The following IPO11 variants were observed in gnomAD, a reference collection of about 807,000 sequenced individuals.
The protein encoded by IPO11 is importin-11.
In IPO11, 66 loss-of-function variants were observed where a neutral mutation model predicts 143.2. The observed-to-expected ratio is 0.46, with a 90% CI of 0.38 to 0.57. The LOEUF is 0.57. Among genes scored for constraint, IPO11 ranks in the 20% least tolerant of loss-of-function variants. The pLI is 0.00. For missense variants in IPO11, 1,026 were observed against 1,141.0 expected (o/e 0.90, Z 1.45); for synonymous variants, 385 against 377.8 (o/e 1.02, Z -0.22).
At chr5:62,460,325 C>G (rs1745310421) in intron 5 of IPO11, among the ~76,000 whole-genome samples, 1 of 152,002 alleles carries the variant, frequency 6.6e-6, no homozygotes, top group African/African-American at 2.4e-5. Context: ...CTTAAAAATG[C>G]CATTGACTTG....
chr5:62,494,179 A>G lies in IPO11; in HGVS notation c.1590+55A>G, dbSNP rs1741046662. On this transcript the variant is annotated intron_variant, in intron 16 of 29. Coordinates refer to ENST00000325324, the MANE Select transcript of IPO11 (RefSeq NM_016338.5). ...AGTTTTTAAAGTTTCATCTGTGCAA[A>G]TCATCAAGTTCACAACAGTTTATGT... 3.3e-6 allele frequency: 5 copies of G among 1,500,428 alleles called. No individual in the cohort carries two copies. In the East Asian group the frequency reaches 1.2e-4, roughly 35 times the overall value. The allele number at this position is 1,500,428 out of a possible 1,614,324, so 92.9% of individuals were successfully genotyped here.
At chr5:62,606,507 G>C (rs1481101393) in intron 29 of IPO11, among the ~76,000 whole-genome samples, 1 of 70,842 alleles carries the variant, frequency 1.4e-5, no homozygotes, top group Non-Finnish European at 2.7e-5. Context: ...AAAAAAAAAA[G>C]GAGAACCCTT....
intron 24 of IPO11, among the ~76,000 whole-genome samples, chr5:62,541,770 G>A (rs1033968539): frequency 2.0e-5 from 3 of 151,172 alleles, no homozygotes; most frequent in African/African-American, 4.9e-5. Flanking sequence ...TTTTATTATT[G>A]AAAATTCCAA....
chr5:62,601,643 A>G (rs1745510908), intron 28 of IPO11, 121 bp from the exon 29 acceptor site: 1 of 455,324 alleles, frequency 2.2e-6, no homozygotes, highest in Non-Finnish European at 3.8e-6. Flanking sequence ...TTTTTCTCAC[A>G]TTTTGGTGTG....
chr5:62,537,345 A>G, intron 24 of IPO11, 56 bp downstream of exon 24: 1 of 1,139,346 alleles, frequency 8.8e-7, no homozygotes, highest in Admixed American at 1.8e-5. Flanking sequence ...ATATTTTATG[A>G]AATTGGACTT....
In IPO11 at chr5:62,627,277, G is replaced by A; in HGVS notation, c.2887G>A (p.Glu963Lys). The A allele has an allele frequency of 1.2e-6, 2 of 1,614,060 alleles. No homozygotes were observed. The highest frequency in any genetic ancestry group is 1.7e-6 in the Non-Finnish European group (2 of 1,179,964). ...GTCCCTCATGGAAACAGTGGATACG[G>A]AGATTGTCACCCAGCTACAGGAGTT... The part of the protein sequence containing the change: ...FQSLMETVDT[E>K]IVTQLQEFLQ... The change falls in exon 30 of 30, where the codon GAG becomes AAG. Residue 963 changes from glutamate to lysine, a missense_variant. Physicochemically the swap from Glu to Lys is moderately conservative, Grantham distance 56. Transcript: ENST00000325324.
chr5:62,584,886 A>G (rs1055590599), intron 27 of IPO11, among the ~76,000 whole-genome samples: 13 of 152,108 alleles, frequency 8.5e-5, no homozygotes, highest in Non-Finnish European at 1.6e-4. Context: ...ATGAGAGAGA[A>G]GAATGTATAG....
chr5:62,515,855 A>T (rs1210545321), intron 20 of IPO11, among the ~76,000 whole-genome samples: 1 of 152,146 alleles, frequency 6.6e-6, no homozygotes, highest in Non-Finnish European at 1.5e-5. Flanking sequence ...GATTTAAAAT[A>T]AAAAAATTCC....
intron 16 of IPO11, 144 bp from the exon 17 acceptor site, chr5:62,504,523 C>T (rs1177853230): frequency 9.2e-6 from 5 of 541,194 alleles, no homozygotes; most frequent in East Asian, 3.4e-5. Context: ...GAGAGTATCC[C>T]TTTATTTCTG....
chr5:62,617,598 T>G (rs540966481), intron 29 of IPO11, among the ~76,000 whole-genome samples: 1 of 152,146 alleles, frequency 6.6e-6, no homozygotes, highest in Non-Finnish European at 1.5e-5. Flanking sequence ...ATAAGATGAA[T>G]GGAAGGAAAA....
chr5:62,612,202 C>A (rs144496693), intron 29 of IPO11, among the ~76,000 whole-genome samples: 1 of 152,050 alleles, frequency 6.6e-6, no homozygotes, highest in South Asian at 2.1e-4. Flanking sequence ...ATTCAGTGAA[C>A]CAGTATTTTC....
intron 27 of IPO11, among the ~76,000 whole-genome samples, chr5:62,574,693 T>A (rs546195432): frequency 6.6e-6 from 1 of 152,310 alleles, no homozygotes; most frequent in South Asian, 2.1e-4. Context: ...CAAAGAAATT[T>A]ATCATCATAT....
At chr5:62,565,953 T>C (rs1743924020) in intron 27 of IPO11, among the ~76,000 whole-genome samples, 1 of 152,220 alleles carries the variant, frequency 6.6e-6, no homozygotes, top group Non-Finnish European at 1.5e-5. Context: ...GCAAAGGACA[T>C]GATCTCATTC....
rs1375012138 is a variant in IPO11, at chr5:62,513,066, C to T, written c.1783-2322C>T. Among the ~76,000 whole-genome samples the T allele has an allele frequency of 1.6e-4, 24 of 150,462 alleles. No homozygotes were observed. The South Asian group carries it at 1.7e-3, about 11-fold the overall frequency. ...CTTTTCTATTCCAGAAAACCGCCAT[C>T]GTCATCATGGCCCATTCTCAATGAG... On this transcript the variant is annotated intron_variant, in intron 19 of 29. Transcript: ENST00000325324.
At chr5:62,476,005 T>G (rs1745945230) in intron 8 of IPO11, among the ~76,000 whole-genome samples, 1 of 152,214 alleles carries the variant, frequency 6.6e-6, no homozygotes, top group South Asian at 2.1e-4. Context: ...GTTAGTCAGT[T>G]TCAATTTAGT....
chr5:62,595,611 G>C (rs1745185899), intron 28 of IPO11, among the ~76,000 whole-genome samples: 1 of 152,080 alleles, frequency 6.6e-6, no homozygotes, highest in Non-Finnish European at 1.5e-5. Flanking sequence ...TAAATGGATA[G>C]TCAACAGTTG....
At chr5:62,498,018 G>T (rs912211985) in intron 16 of IPO11, among the ~76,000 whole-genome samples, 168 of 148,278 alleles carry the variant, frequency 1.1e-3, no homozygotes, top group African/African-American at 3.7e-3. Flanking sequence ...CTTGAATATT[G>T]TTTTTTTTTT....
chr5:62,464,621 C>T (rs936063804), intron 5 of IPO11, among the ~76,000 whole-genome samples: 58 of 152,042 alleles, frequency 3.8e-4, no homozygotes, highest in African/African-American at 1.3e-3. Flanking sequence ...GAAGTATAGG[C>T]GCACCCCACC....
chr5:62,490,309 A>G, intron 15 of IPO11, 89 bp downstream of exon 15: 1 of 770,752 alleles, frequency 1.3e-6, no homozygotes, highest in Non-Finnish European at 2.0e-6. Context: ...ATGGCTTACA[A>G]TTTAAAAAAT....
Sources: gnomAD v4.1 joint callset for allele counts (sites outside exome capture counted in the v4.1 genomes callset) on GRCh38, gnomAD v4.1.1 for gene constraint, MANE v1.5 for transcripts, NCBI Gene and HGNC (gene_info 2026-07-23, HGNC 2026-07-21) for gene names.